The following PLEKHA6 variants were observed in gnomAD, a reference collection of about 807,000 sequenced individuals.
The protein encoded by PLEKHA6 is pleckstrin homology domain containing A6.
PLEKHA6 carries 60 observed loss-of-function variants against 116.7 expected under a neutral mutation model. The ratio of observed to expected loss-of-function variants is 0.51; its 90% CI spans 0.42 to 0.64. The LOEUF is 0.64. Among genes scored for constraint, PLEKHA6 ranks in the 30% least tolerant of loss-of-function variants. The pLI is 0.00. For missense variants in PLEKHA6, 1,338 were observed against 1,422.7 expected, an observed-to-expected ratio of 0.94 and a Z score of 0.96; for synonymous variants, 489 against 556.1, an observed-to-expected ratio of 0.88 and a Z score of 1.70.
chr1:204,288,195 AG>A (rs1417926818), intron 1 of PLEKHA6, among the ~76,000 whole-genome samples: 1 of 152,110 alleles, frequency 6.6e-6, no homozygotes, highest in Admixed American at 6.5e-5. Flanking sequence ...AATACTCACC[AG>A]GTCCCTGGTG....
intron 1 of PLEKHA6, among the ~76,000 whole-genome samples, chr1:204,340,893 C>T (rs1214139973): frequency 2.0e-5 from 3 of 152,238 alleles, no homozygotes; most frequent in Non-Finnish European, 1.5e-5. Flanking sequence ...CTCAGAAACA[C>T]AGAGAAGGAG....
At chr1:204,376,776 C>A (rs1673877791) in intron 1 of PLEKHA6, among the ~76,000 whole-genome samples, 1 of 152,166 alleles carries the variant, frequency 6.6e-6, no homozygotes, top group Non-Finnish European at 1.5e-5. Context: ...TTTTAAGTGG[C>A]TATCTTGAGG....
chr1:204,305,263 A>G (rs1671185391), intron 1 of PLEKHA6, among the ~76,000 whole-genome samples: 1 of 152,136 alleles, frequency 6.6e-6, no homozygotes, highest in South Asian at 2.1e-4. Context: ...TGCAGAAAGT[A>G]TGGGGGATGA....
chr1:204,299,221 A>C (rs186525088), intron 1 of PLEKHA6, among the ~76,000 whole-genome samples: 1 of 152,224 alleles, frequency 6.6e-6, no homozygotes, highest in African/African-American at 2.4e-5. Context: ...GACTTTGCAC[A>C]CATGGTTGGT....
At chr1:204,270,168 T>C (rs1456717183) in intron 3 of PLEKHA6, among the ~76,000 whole-genome samples, 1 of 152,234 alleles carries the variant, frequency 6.6e-6, no homozygotes, top group Non-Finnish European at 1.5e-5. Context: ...ACAAGACTAT[T>C]GTTTCCCTTT....
At chr1:204,298,952 T>C (rs1234782837) in intron 1 of PLEKHA6, among the ~76,000 whole-genome samples, 6 of 152,242 alleles carry the variant, frequency 3.9e-5, no homozygotes, top group Non-Finnish European at 8.8e-5. Flanking sequence ...CTCTCTGCAA[T>C]GAGAGAAGTG....
intron 17 of PLEKHA6, among the ~76,000 whole-genome samples, chr1:204,234,954 TTATATATATATATATATATATATA>T (rs61156938): frequency 0.056 from 1,040 of 18,576 alleles, 39 homozygotes; most frequent in Non-Finnish European, 0.082. Flanking sequence ...AAACTGCCCT[TTATATATATATATATATATATATA>T]TATATATATA....
chr1:204,307,018 G>C (rs1309567559), intron 1 of PLEKHA6, among the ~76,000 whole-genome samples: 1 of 152,238 alleles, frequency 6.6e-6, no homozygotes, highest in South Asian at 2.1e-4. Flanking sequence ...TTTTTAATGA[G>C]AGACCCCGAG....
chr1:204,274,679 G>C lies in PLEKHA6; in HGVS notation c.-14+50C>G, dbSNP rs1667828883. 1.6e-5 allele frequency: 16 copies of C among 985,720 alleles called. No homozygotes were observed. The South Asian group carries it at 5.6e-4, about 35-fold the overall frequency. 61.1% of individuals were successfully genotyped at this position (985,720 alleles called of 1,614,324 possible). Reference sequence around the variant, plus strand: ...CCAGCTGCAAGGAGGCAGTGGGATGGTAGTGGTTAAGGGCAGAAAGCCCAA... The same window carrying C: ...CCAGCTGCAAGGAGGCAGTGGGATGCTAGTGGTTAAGGGCAGAAAGCCCAA... On this transcript the variant is annotated intron_variant, in intron 2 of 22. Transcript: ENST00000272203.
At position 204,257,893 on chromosome 1, in the gene PLEKHA6, T is replaced by A; in HGVS notation, c.1008-24A>T. 1 of 1,581,786 alleles carries A rather than the reference T, an allele frequency of 6.3e-7. No individual in the cohort carries two copies. Among genetic ancestry groups the A allele is most frequent in the Non-Finnish European group, 8.6e-7 (1 of 1,159,878 alleles). On this transcript the variant is annotated intron_variant, in intron 8 of 22. Coordinates refer to ENST00000272203, the MANE Select transcript of PLEKHA6 (RefSeq NM_014935.5). This position sits in a 1 kb window ranked among gnomAD's most constrained non-coding sequence, Gnocchi z 6.5. ...GACTGAGAGAGAGGGGACATTGTAA[T>A]GAAGGCAGACAACACGGGCACCCCT... is the stretch of plus-strand genomic sequence containing the variant.
At chr1:204,311,593 G>A (rs1253505397) in intron 1 of PLEKHA6, 1 of 978,872 alleles carries the variant, frequency 1.0e-6, no homozygotes, top group Non-Finnish European at 1.2e-6. Flanking sequence ...AATGATAACT[G>A]CCAAATACAA....
At chr1:204,310,161 A>G (rs957213921) in intron 1 of PLEKHA6, among the ~76,000 whole-genome samples, 3 of 152,098 alleles carry the variant, frequency 2.0e-5, no homozygotes, top group African/African-American at 7.2e-5. Context: ...GGAAGGATGT[A>G]GCAGACACTG....
intron 1 of PLEKHA6, among the ~76,000 whole-genome samples, chr1:204,337,974 C>T (rs1022895001): frequency 1.3e-5 from 2 of 152,220 alleles, no homozygotes; most frequent in Non-Finnish European, 2.9e-5. Flanking sequence ...CCAAGTGCAG[C>T]CCTGGATGGC....
At chr1:204,250,468 G>A in intron 10 of PLEKHA6, 78 bp downstream of exon 10, 1 of 960,216 alleles carries the variant, frequency 1.0e-6, no homozygotes, top group Admixed American at 1.9e-5. Context: ...AAGAGAGATG[G>A]ATGGAGAGAC....
Position 204,241,720 on chromosome 1 carries a change from T to A in PLEKHA6, c.2267A>T (p.Glu756Val), listed in dbSNP as rs1662845132. 6.2e-7 allele frequency: 1 copy of A among 1,610,374 alleles called. No homozygotes were observed. The highest frequency in any genetic ancestry group is 1.7e-5 in the Admixed American group (1 of 59,142). Reference sequence around the variant, plus strand: ...AGCTGCCTGCTTCTCTGCCTCTACCTCTTGCCTGGTGGGCACAAGGCTGAT... The same window carrying A: ...AGCTGCCTGCTTCTCTGCCTCTACCACTTGCCTGGTGGGCACAAGGCTGAT... Reference protein sequence around the residue: ...RDISLVPTRQEVEAEKQAALN... With the variant: ...RDISLVPTRQVVEAEKQAALN... The change falls in exon 16 of 23, where the codon GAG becomes GTG. Residue 756 changes from glutamate (E) to valine (V), a missense_variant. Glu to Val is a moderately radical substitution (Grantham distance 121). Transcript: ENST00000272203.
intron 13 of PLEKHA6, among the ~76,000 whole-genome samples, chr1:204,246,245 G>T (rs983903372): frequency 3.3e-5 from 5 of 152,142 alleles, no homozygotes; most frequent in African/African-American, 1.2e-4. Context: ...TAAGCAATTT[G>T]CATATACAGT....
intron 1 of PLEKHA6, among the ~76,000 whole-genome samples, chr1:204,293,838 T>C (rs1386887241): frequency 2.0e-5 from 3 of 152,190 alleles, no homozygotes; most frequent in African/African-American, 7.2e-5. Flanking sequence ...GAGGATCCTG[T>C]GCTCTTTAAG....
Position 204,268,319 on chromosome 1 carries a change from G to C in PLEKHA6, c.103-7C>G. The C allele has an allele frequency of 6.3e-7, 1 of 1,595,790 alleles. No individual in the cohort carries two copies. The highest frequency in any genetic ancestry group is 1.1e-5 in the South Asian group (1 of 89,076). ...TGCGGGCTGTGCGAGTTGCCTGGGG[G>C]CAGAGAGAGAAGCTGATCTAGGTCC... is the stretch of plus-strand genomic sequence containing the variant. On this transcript the variant is annotated splice_region_variant and splice_polypyrimidine_tract_variant and intron_variant, in intron 3 of 22. Coordinates refer to ENST00000272203, the MANE Select transcript of PLEKHA6 (RefSeq NM_014935.5).
intron 8 of PLEKHA6, among the ~76,000 whole-genome samples, chr1:204,258,284 G>C (rs1331692892): frequency 6.6e-6 from 1 of 152,154 alleles, no homozygotes; most frequent in African/African-American, 2.4e-5. Context: ...TATTATTTTA[G>C]AGATGAGGTC....
Sources: allele counts gnomAD v4.1 joint callset (sites outside exome capture counted in the v4.1 genomes callset), GRCh38; gene constraint gnomAD v4.1.1; non-coding constraint Gnocchi (gnomAD v3.1); transcripts MANE v1.5; gene names NCBI Gene and HGNC (gene_info 2026-07-23, HGNC 2026-07-21).